The following SEZ6L variants were observed in gnomAD, a reference collection of about 807,000 sequenced individuals.
SEZ6L encodes the protein seizure related 6 homolog like.
SEZ6L carries 37 observed loss-of-function variants against 106.2 expected under a neutral mutation model. The observed-to-expected ratio is 0.35, with a 90% CI of 0.27 to 0.46. The LOEUF (loss-of-function observed/expected upper bound fraction) is 0.46, where lower values mean the gene tolerates loss of function less well. Ranked by LOEUF, SEZ6L falls within the 20% of genes least tolerant of loss-of-function variation. SEZ6L has a pLI of 1.00. For synonymous variants in SEZ6L, 541 were observed against 570.4 expected (o/e 0.95, Z 0.73); for missense variants, 1,172 against 1,332.8 (o/e 0.88, Z 1.88).
intron 9 of SEZ6L, among the ~76,000 whole-genome samples, chr22:26,321,743 T>C (rs1240049468): frequency 2.0e-5 from 3 of 152,108 alleles, no homozygotes; most frequent in Non-Finnish European, 2.9e-5. Flanking sequence ...CCCTCCTAAG[T>C]GTTTGCAATT....
intron 1 of SEZ6L, among the ~76,000 whole-genome samples, chr22:26,247,488 CAG>C (rs917249216): frequency 3.9e-5 from 6 of 152,102 alleles, no homozygotes; most frequent in Admixed American, 3.9e-4. Context: ...GTGGAAGATG[CAG>C]AGAGACACAC....
intron 9 of SEZ6L, among the ~76,000 whole-genome samples, chr22:26,323,336 T>G (rs1272526545): frequency 1.3e-5 from 2 of 152,182 alleles, no homozygotes; most frequent in East Asian, 3.8e-4. Flanking sequence ...ATCTGTTGAA[T>G]GAAAGAGACG....
intron 1 of SEZ6L, among the ~76,000 whole-genome samples, chr22:26,233,517 A>G (rs2078864766): frequency 6.6e-6 from 1 of 152,198 alleles, no homozygotes; most frequent in Non-Finnish European, 1.5e-5. Context: ...GAAGTCTATT[A>G]CGCTCATTTT....
chr22:26,284,541 C>T lies in SEZ6L; in HGVS notation c.95-7865C>T, dbSNP rs981543722. On this transcript the variant is annotated intron_variant, in intron 1 of 16. Transcript: ENST00000248933. Reference sequence around the variant, plus strand: ...GGGAGGATCGCTTTAACCCAGGAGGCGGAGGTTGCAGTGAGCTGAGATTGC... The same window carrying T: ...GGGAGGATCGCTTTAACCCAGGAGGTGGAGGTTGCAGTGAGCTGAGATTGC... 6.2e-5 allele frequency among the ~76,000 whole-genome samples: 8 copies of T among 129,300 alleles called. No homozygotes were observed. The South Asian group carries it at 1.1e-3, about 18-fold the overall frequency. The allele number at this position is 129,300 out of a possible 152,430, so 84.8% of individuals were successfully genotyped here. A position where few individuals can be genotyped will look rare whatever the true frequency, so the allele number is the denominator to read the frequency against.
At chr22:26,301,623 G>A (rs1468788495) in intron 5 of SEZ6L, among the ~76,000 whole-genome samples, 1 of 152,144 alleles carries the variant, frequency 6.6e-6, no homozygotes, top group African/African-American at 2.4e-5. Context: ...CTGTGATAGA[G>A]GACCTCACCT....
intron 9 of SEZ6L, among the ~76,000 whole-genome samples, chr22:26,314,486 C>G (rs1285902027): frequency 6.6e-6 from 1 of 152,224 alleles, no homozygotes; most frequent in African/African-American, 2.4e-5. Context: ...TTGTCTCCCT[C>G]AACTAGACCA....
intron 1 of SEZ6L, among the ~76,000 whole-genome samples, chr22:26,215,831 GGAT>G (rs1422230351): frequency 2.0e-5 from 3 of 152,172 alleles, no homozygotes; most frequent in African/African-American, 4.8e-5. Flanking sequence ...GGGTGAGCAG[GGAT>G]CTGAGGAAAC....
At position 26,328,503 on chromosome 22, in the gene SEZ6L, CCA is replaced by C. The variant is rs1342589984; in HGVS notation, c.2016-11932_2016-11931del. Among the ~76,000 whole-genome samples the C allele has an allele frequency of 2.0e-3, 308 of 152,216 alleles. 3 individuals are homozygous for C. The highest frequency in any genetic ancestry group is 6.9e-3 in the African/African-American group (287 of 41,542). ...TGCCTCTTGTGCTGGAGGTGAAACA[CCA>C]GGGTAGTTAAGGACAGCCGTCTTTG... On this transcript the variant is annotated intron_variant, in intron 9 of 16. Transcript: ENST00000248933.
intron 1 of SEZ6L, among the ~76,000 whole-genome samples, chr22:26,223,607 A>G (rs983164284): frequency 6.8e-6 from 1 of 147,450 alleles, no homozygotes. Context: ...GTCCCTGAGA[A>G]AAAAAAATCC....
chr22:26,267,400 G>C (rs968840515), intron 1 of SEZ6L, among the ~76,000 whole-genome samples: 1 of 152,216 alleles, frequency 6.6e-6, no homozygotes, highest in African/African-American at 2.4e-5. Context: ...AGTAGGACAT[G>C]AGGCTGGTAA....
chr22:26,221,740 G>GCACACACACACACA (rs3222745), intron 1 of SEZ6L, among the ~76,000 whole-genome samples: 6 of 149,396 alleles, frequency 4.0e-5, no homozygotes, highest in Middle Eastern at 3.4e-3. Flanking sequence ...GCACACGCGT[G>GCACACACACACACA]CACACACACA....
intron 11 of SEZ6L, 23 bp downstream of exon 11, chr22:26,347,936 C>T (rs775805954): frequency 2.0e-6 from 3 of 1,524,550 alleles, no homozygotes; most frequent in South Asian, 1.3e-5. Flanking sequence ...TTGTTTCCTT[C>T]CTCTAGGTCC....
At chr22:26,236,887 A>G (rs2078972909) in intron 1 of SEZ6L, among the ~76,000 whole-genome samples, 1 of 152,186 alleles carries the variant, frequency 6.6e-6, no homozygotes, top group East Asian at 1.9e-4. Flanking sequence ...AGAAGCCCCC[A>G]TACACAACAG....
intron 1 of SEZ6L, among the ~76,000 whole-genome samples, chr22:26,222,144 A>G (rs754961897): frequency 5.3e-5 from 8 of 152,190 alleles, no homozygotes; most frequent in Non-Finnish European, 7.3e-5. Flanking sequence ...TTACTAAATC[A>G]GAAACTCTCG....
chr22:26,171,763 T>A (rs1458450450), intron 1 of SEZ6L, among the ~76,000 whole-genome samples: 1 of 152,172 alleles, frequency 6.6e-6, no homozygotes. Flanking sequence ...CATTAATAAG[T>A]GTGTGGTTCT....
intron 1 of SEZ6L, among the ~76,000 whole-genome samples, chr22:26,233,450 G>A (rs974681227): frequency 1.5e-4 from 23 of 152,220 alleles, no homozygotes; most frequent in Admixed American, 8.5e-4. Context: ...TAAGGAAAGA[G>A]GAGGGCTGTG....
Position 26,296,981 on chromosome 22 carries a change from G to T in SEZ6L, c.1063G>T (p.Val355Leu). Residue 355 changes from valine (V) to leucine (L), a missense_variant, in exon 4 of 17, where the codon GTG becomes TTG. Physicochemically the swap from Val to Leu is conservative, Grantham distance 32. Around this residue, in one of 4 missense-constraint regions of SEZ6L, gnomAD observed 534 missense variants for 691.0 expected, o/e 0.77. Transcript: ENST00000248933. ...LTVLANQTLL[V>L]EGQVIRSPTN... ...CGTCCTGGCCAACCAGACACTCCTG[G>T]TGGAGGGGCAGGTAATCCGAAGCCC... 6.2e-7 allele frequency: 1 copy of T among 1,614,128 alleles called. No homozygotes were observed. Among genetic ancestry groups the T allele is most frequent in the Non-Finnish European group, 8.5e-7 (1 of 1,180,006 alleles).
At chr22:26,235,067 A>G (rs1043558083) in intron 1 of SEZ6L, among the ~76,000 whole-genome samples, 6 of 152,330 alleles carry the variant, frequency 3.9e-5, no homozygotes, top group African/African-American at 1.4e-4. Flanking sequence ...AATGGGAAAT[A>G]TGCCTTTGCC....
intron 1 of SEZ6L, among the ~76,000 whole-genome samples, chr22:26,243,219 G>A (rs1217765351): frequency 6.6e-6 from 1 of 152,214 alleles, no homozygotes; most frequent in African/African-American, 2.4e-5. Flanking sequence ...CACAGGTACA[G>A]GGGGTTAGGA....
Sources: gnomAD v4.1 joint callset for allele counts (sites outside exome capture counted in the v4.1 genomes callset) on GRCh38, gnomAD v4.1.1 for gene constraint, gnomAD v4.1.1 regional missense constraint, MANE v1.5 for transcripts, NCBI Gene and HGNC (gene_info 2026-07-23, HGNC 2026-07-21) for gene names.